The following HS6ST3 variants were observed in gnomAD, a reference collection of about 807,000 sequenced individuals.
HS6ST3 encodes the protein heparan-sulfate 6-O-sulfotransferase 3.
Under a neutral mutation model 36.7 loss-of-function variants are expected in HS6ST3, and 12 were observed. The observed-to-expected ratio is 0.33, with a 90% CI of 0.21 to 0.53. The LOEUF is 0.53. Among genes scored for constraint, HS6ST3 ranks in the 20% least tolerant of loss-of-function variants. HS6ST3 has a pLI of 0.95. For synonymous variants in HS6ST3, 240 were observed against 257.5 expected (o/e 0.93, Z 0.65); for missense variants, 584 against 640.9 (o/e 0.91, Z 0.96).
At chr13:96,519,136 A>G (rs1594798614) in intron 1 of HS6ST3, among the ~76,000 whole-genome samples, 1 of 152,168 alleles carries the variant, frequency 6.6e-6, no homozygotes. Context: ...TTGCTTTCAG[A>G]AGATGTGTTC....
intron 1 of HS6ST3, among the ~76,000 whole-genome samples, chr13:96,727,406 C>T (rs535877543): frequency 1.3e-5 from 2 of 152,030 alleles, no homozygotes; most frequent in East Asian, 3.9e-4. Context: ...TTATCATTAT[C>T]ATTAACATTT....
chr13:96,361,034 G>GGAAACA lies in HS6ST3; in HGVS notation c.707+269466_707+269471dup, dbSNP rs1225492345. Among the ~76,000 whole-genome samples, 4 of 152,008 alleles carry GGAAACA rather than the reference G, an allele frequency of 2.6e-5. No homozygotes were observed. In the South Asian group the frequency reaches 8.3e-4, roughly 32 times the overall value. ...TGCTTAACCAAAAGACTAAGATACT[G>GGAAACA]GAAACACTATGCAAGAATGGTATAT... On this transcript the variant is annotated intron_variant, in intron 1 of 1. Coordinates refer to ENST00000376705, the MANE Select transcript of HS6ST3 (RefSeq NM_153456.4).
chr13:96,282,842 GT>G (rs761385667), intron 1 of HS6ST3, among the ~76,000 whole-genome samples: 22 of 152,110 alleles, frequency 1.4e-4, no homozygotes, highest in Non-Finnish European at 2.8e-4. Flanking sequence ...TGCAAGCAGA[GT>G]TTTAGAATTC....
chr13:96,513,563 T>C (rs1160930436), intron 1 of HS6ST3, among the ~76,000 whole-genome samples: 1 of 152,194 alleles, frequency 6.6e-6, no homozygotes, highest in Admixed American at 6.5e-5. Context: ...TTGGCTGAGC[T>C]CTGCCAGGTT....
chr13:96,465,958 A>T (rs377555967), intron 1 of HS6ST3, among the ~76,000 whole-genome samples: 2 of 151,856 alleles, frequency 1.3e-5, no homozygotes, highest in Admixed American at 1.3e-4. Context: ...TCATTTTTTT[A>T]TTTGTGTGTG....
At chr13:96,426,541 TA>T (rs1281664787) in intron 1 of HS6ST3, among the ~76,000 whole-genome samples, 7 of 152,248 alleles carry the variant, frequency 4.6e-5, no homozygotes, top group Non-Finnish European at 1.0e-4. Flanking sequence ...ATTAGAGTCT[TA>T]CATAGCTTGA....
At chr13:96,126,089 T>G (rs1306798064) in intron 1 of HS6ST3, among the ~76,000 whole-genome samples, 2 of 152,174 alleles carry the variant, frequency 1.3e-5, no homozygotes, top group Non-Finnish European at 2.9e-5. Flanking sequence ...ACGCATGTGC[T>G]TCCTTTCCTC....
intron 1 of HS6ST3, among the ~76,000 whole-genome samples, chr13:96,801,582 A>G (rs1410630950): frequency 1.3e-5 from 2 of 152,156 alleles, no homozygotes; most frequent in African/African-American, 4.8e-5. Flanking sequence ...CTCTTACATA[A>G]TCTCATGAAC....
chr13:96,415,759 G>A (rs924194841), intron 1 of HS6ST3, among the ~76,000 whole-genome samples: 1 of 152,198 alleles, frequency 6.6e-6, no homozygotes, highest in East Asian at 1.9e-4. Flanking sequence ...AACTGGAACA[G>A]GTGGGTACAC....
chr13:96,367,712 G>T (rs1448390103), intron 1 of HS6ST3, among the ~76,000 whole-genome samples: 1 of 152,204 alleles, frequency 6.6e-6, no homozygotes, highest in African/African-American at 2.4e-5. Context: ...CTGGTGCAAA[G>T]AATTCAAGAC....
chr13:96,193,515 A>G (rs2054298614), intron 1 of HS6ST3, among the ~76,000 whole-genome samples: 1 of 152,182 alleles, frequency 6.6e-6, no homozygotes, highest in African/African-American at 2.4e-5. Flanking sequence ...TAGGGATAAA[A>G]AAATGCCGGA....
At chr13:96,787,416 C>T (rs1822824452) in intron 1 of HS6ST3, among the ~76,000 whole-genome samples, 1 of 151,976 alleles carries the variant, frequency 6.6e-6, no homozygotes, top group Non-Finnish European at 1.5e-5. Flanking sequence ...ATCTTTTATG[C>T]ATGCATGTAT....
intron 1 of HS6ST3, among the ~76,000 whole-genome samples, chr13:96,727,566 C>A (rs956395046): frequency 3.3e-5 from 5 of 152,108 alleles, no homozygotes; most frequent in African/African-American, 1.2e-4. Context: ...TTGTTCTCAG[C>A]TTGTGCTCTT....
At chr13:96,173,891 G>C (rs1241455868) in intron 1 of HS6ST3, among the ~76,000 whole-genome samples, 1 of 151,998 alleles carries the variant, frequency 6.6e-6, no homozygotes, top group Non-Finnish European at 1.5e-5. Context: ...ATGGCAAAGA[G>C]AGCAAGAGAG....
chr13:96,130,339 T>C (rs549636969), intron 1 of HS6ST3, among the ~76,000 whole-genome samples: 113 of 152,242 alleles, frequency 7.4e-4, no homozygotes, highest in African/African-American at 2.6e-3. Flanking sequence ...CCTTAACCCT[T>C]TAAGAGACAG....
chr13:96,314,489 C>A (rs955714323), intron 1 of HS6ST3, among the ~76,000 whole-genome samples: 2 of 152,076 alleles, frequency 1.3e-5, no homozygotes, highest in Admixed American at 1.3e-4. Context: ...TTCTTCATGC[C>A]TTTGAAGTCT....
At chr13:96,554,541 G>T (rs1368264952) in intron 1 of HS6ST3, among the ~76,000 whole-genome samples, 1 of 152,106 alleles carries the variant, frequency 6.6e-6, no homozygotes. Flanking sequence ...CTCTGGTGAA[G>T]AATCTGGGCA....
chr13:96,709,635 G>T (rs1288069134), intron 1 of HS6ST3, among the ~76,000 whole-genome samples: 1 of 152,142 alleles, frequency 6.6e-6, no homozygotes, highest in Non-Finnish European at 1.5e-5. Context: ...GCAAGAAGGT[G>T]GCTGTCTATA....
intron 1 of HS6ST3, among the ~76,000 whole-genome samples, chr13:96,328,813 G>A (rs941954848): frequency 6.6e-6 from 1 of 152,094 alleles, no homozygotes; most frequent in Non-Finnish European, 1.5e-5. Flanking sequence ...TCTGGTCCTG[G>A]ACTCTTTTTG....
Sources: allele counts gnomAD v4.1 joint callset (sites outside exome capture counted in the v4.1 genomes callset), GRCh38; gene constraint gnomAD v4.1.1; transcripts MANE v1.5; gene names NCBI Gene and HGNC (gene_info 2026-07-23, HGNC 2026-07-21).